The following MS4A2 variants were observed in gnomAD, a reference collection of about 807,000 sequenced individuals.
The protein encoded by MS4A2 is high affinity immunoglobulin epsilon receptor subunit beta.
A neutral mutation model predicts 27.9 loss-of-function variants in MS4A2; 26 were observed. The ratio of observed to expected loss-of-function variants is 0.93; its 90% CI spans 0.68 to 1.29. MS4A2 has a LOEUF of 1.29. Among genes scored for constraint, MS4A2 ranks in the 50% most tolerant of loss-of-function variants. MS4A2 has a pLI of 0.00. For synonymous variants in MS4A2, 110 were observed against 98.8 expected, an observed-to-expected ratio of 1.11 and a Z score of -0.67; for missense variants, 284 against 284.6, an observed-to-expected ratio of 1.00 and a Z score of 0.01.
At chr11:60,088,990 C>G (rs1855706605) in intron 1 of MS4A2, among the ~76,000 whole-genome samples, 169 bp downstream of exon 1, 2 of 152,268 alleles carry the variant, frequency 1.3e-5, no homozygotes, top group East Asian at 1.9e-4. Context: ...ATGTGGTTCT[C>G]TCTCCCTGGA....
Position 60,092,773 on chromosome 11 carries a change from T to C in MS4A2, c.322-19T>C. On this transcript the variant is annotated intron_variant, in intron 3 of 6. Transcript: ENST00000278888. ...AACAAGAAACTCATTGTGGCTTTTT[T>C]TTCCTCCTTTTTGAACAGTTTTCTA... is the stretch of plus-strand genomic sequence containing the variant. 6.2e-7 allele frequency: 1 copy of C among 1,611,196 alleles called. No individual in the cohort carries two copies. The highest frequency in any genetic ancestry group is 8.5e-7 in the Non-Finnish European group (1 of 1,177,884).
rs989831616 is a variant in MS4A2 at position 60,097,829 on chromosome 11, G to A, written c.*2173G>A. On this transcript the variant is annotated 3_prime_UTR_variant, in exon 7 of 7. Coordinates refer to ENST00000278888, the MANE Select transcript of MS4A2 (RefSeq NM_000139.5). ...TGCTTTATTTAATTGTAGGGCCTGAGGTTTTCCATTCTCATTTTTCTAAAA... is the reference window on the plus strand; with the variant it reads ...TGCTTTATTTAATTGTAGGGCCTGAAGTTTTCCATTCTCATTTTTCTAAAA... 1.9e-4 allele frequency: 29 copies of A among 152,134 alleles called. No individual in the cohort carries two copies. The highest frequency in any genetic ancestry group is 6.5e-4 in the African/African-American group (27 of 41,410). The allele number at this position is 152,134 out of a possible 1,614,324, so 9.4% of individuals were successfully genotyped here. A position where few individuals can be genotyped will look rare whatever the true frequency, so the allele number is the denominator to read the frequency against.
At chr11:60,089,273 C>CCATT (rs1834680627) in intron 1 of MS4A2, among the ~76,000 whole-genome samples, 1 of 152,170 alleles carries the variant, frequency 6.6e-6, no homozygotes, top group African/African-American at 2.4e-5. Flanking sequence ...CTATTCAAAG[C>CCATT]CATTCCTTCA....
Position 60,093,533 on chromosome 11 carries a change from A to C in MS4A2, c.512A>C (p.Lys171Thr), listed in dbSNP as rs1178968856. ...AGTTGCCAGAAATTTTTTGAGACCAAGTGCTTTATGGCTTCCTTTTCCACT... is the reference window on the plus strand; with the variant it reads ...AGTTGCCAGAAATTTTTTGAGACCACGTGCTTTATGGCTTCCTTTTCCACT... ...IHSCQKFFET[K>T]CFMASFSTEI... Residue 171 changes from lysine (K) to threonine (T), a missense_variant, in exon 5 of 7, where the codon AAG becomes ACG. Coordinates refer to ENST00000278888, the MANE Select transcript of MS4A2 (RefSeq NM_000139.5). 1 of 1,614,176 alleles carries C rather than the reference A, an allele frequency of 6.2e-7. No individual in the cohort carries two copies. Among genetic ancestry groups the C allele is most frequent in the Non-Finnish European group, 8.5e-7 (1 of 1,180,024 alleles).
rs1565077287 is a variant in MS4A2, at chr11:60,097,363, A to G, written c.*1707A>G. 1 of 152,258 alleles carries G rather than the reference A, an allele frequency of 6.6e-6. No individual in the cohort carries two copies. Among genetic ancestry groups the G allele is most frequent in the Non-Finnish European group, 1.5e-5 (1 of 68,052 alleles). The allele number at this position is 152,258 out of a possible 1,614,324, so 9.4% of individuals were successfully genotyped here. On this transcript the variant is annotated 3_prime_UTR_variant, in exon 7 of 7. Transcript: ENST00000278888. Reference sequence around the variant, plus strand: ...AAGAGAAAAGTCCACAGTGATAAGCAACTCCACCTAAGGCATGAATATGCG... The same window carrying G: ...AAGAGAAAAGTCCACAGTGATAAGCGACTCCACCTAAGGCATGAATATGCG...
At position 60,094,014 on chromosome 11, in the gene MS4A2, T is replaced by G; in HGVS notation, c.588T>G (p.Ala196=). 6.2e-7 allele frequency: 1 copy of G among 1,614,098 alleles called. No individual in the cohort carries two copies. The highest frequency in any genetic ancestry group is 1.1e-5 in the South Asian group (1 of 91,082). The part of the protein sequence containing the change: ...LFLTILGLGS[A]VSLTICGAGE... ...TCACCATTCTGGGACTTGGTAGTGC[T>G]GTGTCACTCACAATCTGTGGAGCTG... is the stretch of plus-strand genomic sequence containing the variant. The change falls in exon 6 of 7, where the codon GCT becomes GCG. Residue 196 remains alanine, a synonymous_variant. Coordinates refer to ENST00000278888, the MANE Select transcript of MS4A2 (RefSeq NM_000139.5).
chr11:60,092,408 G>C (rs1488401953), intron 3 of MS4A2, among the ~76,000 whole-genome samples: 1 of 150,742 alleles, frequency 6.6e-6, no homozygotes, highest in Non-Finnish European at 1.5e-5. Flanking sequence ...TGATTCTCCT[G>C]TCTCAGCCTC....
chr11:60,092,245 T>A (rs1855774797), intron 3 of MS4A2, among the ~76,000 whole-genome samples: 1 of 151,996 alleles, frequency 6.6e-6, no homozygotes, highest in African/African-American at 2.4e-5. Flanking sequence ...ATCCAGGACC[T>A]AATGAATAAG....
rs1260073711 is a variant in MS4A2 at position 60,097,662 on chromosome 11, G to C, written c.*2006G>C. On this transcript the variant is annotated 3_prime_UTR_variant, in exon 7 of 7. Coordinates refer to ENST00000278888, the MANE Select transcript of MS4A2 (RefSeq NM_000139.5). ...GATGGACTGAAAAAAATCAGTCTGA[G>C]AGTATTAGTCACAATTAATGAAATA... 1 of 152,174 alleles carries C rather than the reference G, an allele frequency of 6.6e-6. No individual in the cohort carries two copies. The highest frequency in any genetic ancestry group is 1.5e-5 in the Non-Finnish European group (1 of 68,038). 9.4% of individuals were successfully genotyped at this position (152,174 alleles called of 1,614,324 possible). A position where few individuals can be genotyped will look rare whatever the true frequency, so the allele number is the denominator to read the frequency against.
chr11:60,097,137 T>A lies in MS4A2; in HGVS notation c.*1481T>A, dbSNP rs1182519403. The A allele has an allele frequency of 6.6e-6, 1 of 152,140 alleles. No individual in the cohort carries two copies. The highest frequency in any genetic ancestry group is 2.4e-5 in the African/African-American group (1 of 41,416). The allele number at this position is 152,140 out of a possible 1,614,324, so 9.4% of individuals were successfully genotyped here. On this transcript the variant is annotated 3_prime_UTR_variant, in exon 7 of 7. Coordinates refer to ENST00000278888, the MANE Select transcript of MS4A2 (RefSeq NM_000139.5). ...AGTTAACACTCTAAGAGAATTATTT[T>A]GAGATAGAAGTGAAGCTAAGCTAAA...
At position 60,097,685 on chromosome 11, in the gene MS4A2, A is replaced by AT. The variant is rs1301837162; in HGVS notation, c.*2030dup. On this transcript the variant is annotated 3_prime_UTR_variant, in exon 7 of 7. Coordinates refer to ENST00000278888, the MANE Select transcript of MS4A2 (RefSeq NM_000139.5). ...GAGAGTATTAGTCACAATTAATGAA[A>AT]TAATTACATTTTATGTATTGAGGAT... The AT allele has an allele frequency of 2.6e-5, 4 of 152,246 alleles. No individual in the cohort carries two copies. Among genetic ancestry groups the AT allele is most frequent in the African/African-American group, 9.6e-5 (4 of 41,462 alleles). 9.4% of individuals were successfully genotyped at this position (152,246 alleles called of 1,614,324 possible).
At chr11:60,092,138 C>T (rs475812) in intron 3 of MS4A2, among the ~76,000 whole-genome samples, 7,914 of 152,092 alleles carry the variant, frequency 0.052, 380 homozygotes, top group East Asian at 0.17. Context: ...GATTCATGCC[C>T]TGATGTTGCT....
At chr11:60,093,820 G>A (rs1855816634) in intron 5 of MS4A2, 144 bp from the exon 6 acceptor site, 1 of 726,394 alleles carries the variant, frequency 1.4e-6, no homozygotes, top group Non-Finnish European at 2.4e-6. Context: ...GTGTGTGTGT[G>A]TGTGTGTGTG....
In MS4A2 at chr11:60,094,881, G is replaced by A. The variant is rs563129534; in HGVS notation, c.637-677G>A. 3.3e-5 allele frequency among the ~76,000 whole-genome samples: 5 copies of A among 152,326 alleles called. 1 individual carries two copies. Among genetic ancestry groups the A allele is most frequent in the African/African-American group, 9.6e-5 (4 of 41,570 alleles). On this transcript the variant is annotated intron_variant, in intron 6 of 6. Transcript: ENST00000278888. ...AAAGGAAACATTAGCCCAGCGTGGT[G>A]GCAGGTACCTGAGGTTCCAGATACT...
chr11:60,093,732 C>T (rs1855814122), intron 5 of MS4A2, 174 bp downstream of exon 5: 1 of 983,260 alleles, frequency 1.0e-6, no homozygotes, highest in African/African-American at 1.6e-5. Flanking sequence ...TCCCCTCAAC[C>T]CAGGCAAATT....
At chr11:60,093,789 T>A in intron 5 of MS4A2, 175 bp from the exon 6 acceptor site, 1 of 787,774 alleles carries the variant, frequency 1.3e-6, no homozygotes, top group Non-Finnish European at 2.1e-6. Context: ...TCTGGGTTTT[T>A]CTGTGCCTGT....
Position 60,089,811 on chromosome 11 carries a change from AGTTCCTGG to A in MS4A2, c.178_185del (p.Phe60GlyfsTer22). On this transcript the variant is annotated frameshift_variant and splice_region_variant, in exon 2 of 7. Coordinates refer to ENST00000278888, the MANE Select transcript of MS4A2 (RefSeq NM_000139.5). LOFTEE classifies it high-confidence loss of function. ...CTGACAGTTTTGAAAAAAGAGCAGG[AGTTCCTGG>A]GGGTGAGTGAGCCTCCTCCAACTTT... 3 of 1,614,098 alleles carry A rather than the reference AGTTCCTGG, an allele frequency of 1.9e-6. No homozygotes were observed. Among genetic ancestry groups the A allele is most frequent in the Non-Finnish European group, 2.5e-6 (3 of 1,179,992 alleles).
In MS4A2 at chr11:60,089,223, G is replaced by A. The variant is rs139765987; in HGVS notation, c.56+402G>A. ...CTTTATAATCCATAAGCTGTGGGATGCTTCTCTGAAGATGAAAATAGTAAT... is the reference window on the plus strand; with the variant it reads ...CTTTATAATCCATAAGCTGTGGGATACTTCTCTGAAGATGAAAATAGTAAT... On this transcript the variant is annotated intron_variant, in intron 1 of 6. Coordinates refer to ENST00000278888, the MANE Select transcript of MS4A2 (RefSeq NM_000139.5). Among the ~76,000 whole-genome samples, 514 of 152,320 alleles carry A rather than the reference G, an allele frequency of 3.4e-3. 1 individual carries two copies. The highest frequency in any genetic ancestry group is 0.012 in the African/African-American group (502 of 41,568).
intron 5 of MS4A2, 21 bp downstream of exon 5, chr11:60,093,579 G>A: frequency 6.2e-7 from 1 of 1,613,622 alleles, no homozygotes; most frequent in Non-Finnish European, 8.5e-7. Context: ...TTTTTTGTGT[G>A]GGAAGACTAA....
Sources: allele counts gnomAD v4.1 joint callset (sites outside exome capture counted in the v4.1 genomes callset), GRCh38; gene constraint gnomAD v4.1.1; transcripts MANE v1.5; gene names NCBI Gene and HGNC (gene_info 2026-07-23, HGNC 2026-07-21).